The following FOXP2 variants were observed in gnomAD, a reference collection of about 807,000 sequenced individuals.
FOXP2 encodes the protein forkhead box protein P2.
In FOXP2, 12 loss-of-function variants were observed where a neutral mutation model predicts 115.8. The ratio of observed to expected loss-of-function variants is 0.10; its 90% CI spans 0.07 to 0.17. FOXP2 has a LOEUF of 0.17. Ranked by LOEUF, FOXP2 falls within the 10% of genes least tolerant of loss-of-function variation. The probability of loss-of-function intolerance (pLI) is 1.00; values close to 1 mark genes in which losing one functional copy is unlikely to be tolerated. For missense variants in FOXP2, 629 were observed against 843.5 expected (o/e 0.75, Z 3.15); for synonymous variants, 328 against 297.7 (o/e 1.10, Z -1.05).
chr7:114,149,552 C>G (rs1584508320), intron 1 of FOXP2, among the ~76,000 whole-genome samples: 1 of 152,024 alleles, frequency 6.6e-6, no homozygotes, highest in Middle Eastern at 3.4e-3. Flanking sequence ...CAGCACTAGC[C>G]CTTTAATTAC....
At chr7:114,680,432 T>C (rs1186518800) in intron 16 of FOXP2, among the ~76,000 whole-genome samples, 1 of 152,216 alleles carries the variant, frequency 6.6e-6, no homozygotes, top group Non-Finnish European at 1.5e-5. Context: ...CTTAAAGGAA[T>C]GTGATGTTTT....
chr7:114,150,969 C>G, intron 1 of FOXP2, among the ~76,000 whole-genome samples: 1 of 151,936 alleles, frequency 6.6e-6, no homozygotes, highest in East Asian at 1.9e-4. Context: ...GCAGTTACAA[C>G]CTATTAAGTA....
At chr7:114,567,953 C>T (rs1312889755) in intron 3 of FOXP2, among the ~76,000 whole-genome samples, 1 of 152,084 alleles carries the variant, frequency 6.6e-6, no homozygotes, top group East Asian at 1.9e-4. Flanking sequence ...CACATACTTT[C>T]AGTTGCAGAA....
At chr7:114,152,891 A>G (rs995623956) in intron 1 of FOXP2, among the ~76,000 whole-genome samples, 2 of 152,118 alleles carry the variant, frequency 1.3e-5, no homozygotes, top group Non-Finnish European at 2.9e-5. Flanking sequence ...CTGCAGCAGG[A>G]TTTCCAGGCA....
chr7:114,620,449 T>C (rs1804186975), intron 3 of FOXP2, among the ~76,000 whole-genome samples: 1 of 152,092 alleles, frequency 6.6e-6, no homozygotes, highest in Non-Finnish European at 1.5e-5. Context: ...CTTGAAGCAC[T>C]TGTAATTTAC....
chr7:114,419,748 C>CACACACACACACACA (rs1293473534), intron 1 of FOXP2: 25 of 145,294 alleles, frequency 1.7e-4, no homozygotes, highest in African/African-American at 6.4e-4. Context: ...ACACACACAC[C>CACACACACACACACA]CCAGAAAGGA....
intron 2 of FOXP2, among the ~76,000 whole-genome samples, chr7:114,383,632 C>T (rs2129192381): frequency 6.6e-6 from 1 of 152,300 alleles, no homozygotes; most frequent in South Asian, 2.1e-4. Context: ...GTACTTCCCT[C>T]AGGAGGCCAG....
chr7:114,482,648 C>G (rs996041603), intron 2 of FOXP2, among the ~76,000 whole-genome samples: 4 of 151,642 alleles, frequency 2.6e-5, no homozygotes, highest in East Asian at 1.9e-4. Flanking sequence ...TTACCTTGCT[C>G]TATGCAATGA....
intron 2 of FOXP2, among the ~76,000 whole-genome samples, chr7:114,293,487 C>T (rs781138199): frequency 2.0e-5 from 3 of 152,164 alleles, no homozygotes; most frequent in Non-Finnish European, 2.9e-5. Context: ...AGCTAAACCA[C>T]CCCTTGATTC....
intron 3 of FOXP2, among the ~76,000 whole-genome samples, chr7:114,613,244 C>G (rs143462257): frequency 6.6e-6 from 1 of 152,124 alleles, no homozygotes; most frequent in South Asian, 2.1e-4. Flanking sequence ...TTTTTATACC[C>G]TTGTCCCATA....
intron 1 of FOXP2, among the ~76,000 whole-genome samples, chr7:114,277,271 G>A (rs1003822929): frequency 7.2e-5 from 11 of 152,058 alleles, no homozygotes; most frequent in Non-Finnish European, 1.5e-4. Context: ...TTTAAAAAGG[G>A]TATCCCCAAA....
chr7:114,332,148 G>A (rs117526034), intron 2 of FOXP2, among the ~76,000 whole-genome samples: 1 of 152,210 alleles, frequency 6.6e-6, no homozygotes, highest in Non-Finnish European at 1.5e-5. Flanking sequence ...GTGTGCATGA[G>A]TAGGGGGTAA....
intron 3 of FOXP2, among the ~76,000 whole-genome samples, chr7:114,557,585 A>G (rs1216015687): frequency 6.6e-6 from 1 of 150,908 alleles, no homozygotes; most frequent in East Asian, 1.9e-4. Flanking sequence ...TTGTTTTCAA[A>G]ATTTTCTTAT....
chr7:114,237,612 A>C (rs1278499933), intron 1 of FOXP2, among the ~76,000 whole-genome samples: 2 of 152,018 alleles, frequency 1.3e-5, no homozygotes, highest in African/African-American at 4.8e-5. Context: ...ATTTTCAGTA[A>C]ATCTCTGCTT....
At chr7:114,336,605 C>CT (rs1797858905) in intron 2 of FOXP2, among the ~76,000 whole-genome samples, 1 of 151,400 alleles carries the variant, frequency 6.6e-6, no homozygotes, top group Non-Finnish European at 1.5e-5. Flanking sequence ...CACTGGTGTC[C>CT]TATCACCTCC....
intron 1 of FOXP2, among the ~76,000 whole-genome samples, chr7:114,262,136 A>G (rs906145824): frequency 3.9e-5 from 6 of 152,114 alleles, no homozygotes; most frequent in African/African-American, 1.4e-4. Flanking sequence ...AGAAATATTT[A>G]CTATCATCTG....
At chr7:114,384,768 A>G (rs1264778122) in intron 2 of FOXP2, among the ~76,000 whole-genome samples, 1 of 151,492 alleles carries the variant, frequency 6.6e-6, no homozygotes, top group Non-Finnish European at 1.5e-5. Flanking sequence ...ATAACTCTGA[A>G]CTGGTGAGGT....
At chr7:114,204,790 A>G (rs1299659027) in intron 1 of FOXP2, among the ~76,000 whole-genome samples, 1 of 152,146 alleles carries the variant, frequency 6.6e-6, no homozygotes, top group Non-Finnish European at 1.5e-5. Context: ...GTTTTTAAGC[A>G]TCAGTGAAAT....
chr7:114,494,075 A>G (rs1451690253), intron 2 of FOXP2, among the ~76,000 whole-genome samples: 1 of 152,096 alleles, frequency 6.6e-6, no homozygotes, highest in Non-Finnish European at 1.5e-5. Flanking sequence ...AATTAGAGGT[A>G]ACTTTTTAAT....
Sources: gnomAD v4.1 joint callset for allele counts (sites outside exome capture counted in the v4.1 genomes callset) on GRCh38, gnomAD v4.1.1 for gene constraint, MANE v1.5 for transcripts, NCBI Gene and HGNC (gene_info 2026-07-23, HGNC 2026-07-21) for gene names.